PTPRN2: variants seen among roughly 807,000 people sequenced by gnomAD.
The protein encoded by PTPRN2 is receptor-type tyrosine-protein phosphatase N2.
Under a neutral mutation model 118.8 loss-of-function variants are expected in PTPRN2, and 74 were observed. The observed-to-expected ratio is 0.62, with a 90% CI of 0.52 to 0.76. The LOEUF (loss-of-function observed/expected upper bound fraction) is 0.76. Among genes scored for constraint, PTPRN2 ranks in the 30% least tolerant of loss-of-function variants. PTPRN2 has a pLI of 0.00. For missense variants in PTPRN2, 1,481 were observed against 1,394.4 expected, an observed-to-expected ratio of 1.06 and a Z score of -0.99; for synonymous variants, 641 against 608.0, an observed-to-expected ratio of 1.05 and a Z score of -0.80.
At chr7:157,995,122 C>G (rs1429020070) in intron 11 of PTPRN2, among the ~76,000 whole-genome samples, 1 of 146,962 alleles carries the variant, frequency 6.8e-6, no homozygotes, top group Non-Finnish European at 1.5e-5. Flanking sequence ...GTTCCTAAAT[C>G]AACGCTGCGT....
Position 157,564,795 on chromosome 7 carries a change from C to T in PTPRN2, c.2902+4107G>A, listed in dbSNP as rs575869982. 5.2e-4 allele frequency among the ~76,000 whole-genome samples: 79 copies of T among 152,348 alleles called. 1 individual carries two copies. Among genetic ancestry groups the T allele is most frequent in the Admixed American group, 1.6e-3 (25 of 15,308 alleles). On this transcript the variant is annotated intron_variant, in intron 21 of 22. Transcript: ENST00000389418. ...AGCCAAGAGATAAGAGAATTACGGT[C>T]GATGTGGCGATTCCGCCCCAGGGAC...
intron 11 of PTPRN2, among the ~76,000 whole-genome samples, chr7:158,019,876 G>A (rs534688451): frequency 3.2e-4 from 48 of 152,334 alleles, no homozygotes; most frequent in Admixed American, 1.2e-3. Context: ...AGCGGCCCCC[G>A]GCATCCGCAG....
intron 12 of PTPRN2, among the ~76,000 whole-genome samples, chr7:157,735,014 T>C (rs1353716403): frequency 6.6e-6 from 1 of 152,248 alleles, no homozygotes; most frequent in African/African-American, 2.4e-5. Flanking sequence ...AAATTCTGGC[T>C]GTGATGCCAA....
rs1810895126 is a variant in PTPRN2 at position 157,869,033 on chromosome 7, C to A, written c.1788+29640G>T. 6.6e-6 allele frequency: 1 copy of A among 152,238 alleles called. No homozygotes were observed. Among genetic ancestry groups the A allele is most frequent in the Admixed American group, 6.5e-5 (1 of 15,288 alleles). The allele number at this position is 152,238 out of a possible 1,614,324, so 9.4% of individuals were successfully genotyped here. On this transcript the variant is annotated intron_variant, in intron 12 of 22. Transcript: ENST00000389418. The surrounding 1 kb of genome is among the most constrained non-coding windows in gnomAD (Gnocchi z 4.2). ...AGACTTCCCAATGTCCCGAAACACC[C>A]TGACACGTGTAATTCCAAATCTGTA...
chr7:157,595,118 A>T, intron 17 of PTPRN2, 120 bp downstream of exon 17: 1 of 884,632 alleles, frequency 1.1e-6, no homozygotes, highest in Non-Finnish European at 1.8e-6. Context: ...TGATATAAGT[A>T]ACATTTGATG....
At chr7:158,297,052 A>G (rs190796743) in intron 3 of PTPRN2, among the ~76,000 whole-genome samples, 1 of 152,152 alleles carries the variant, frequency 6.6e-6, no homozygotes, top group Admixed American at 6.5e-5. Flanking sequence ...TCCAAACACA[A>G]ACGTGCGCCT....
intron 3 of PTPRN2, among the ~76,000 whole-genome samples, chr7:158,263,039 A>AC: frequency 6.7e-6 from 1 of 149,486 alleles, no homozygotes; most frequent in Admixed American, 6.7e-5. Flanking sequence ...ACATATTCAC[A>AC]AAATGCACAT....
chr7:158,149,232 T>C (rs1820631143), intron 6 of PTPRN2, among the ~76,000 whole-genome samples: 1 of 151,672 alleles, frequency 6.6e-6, no homozygotes, highest in African/African-American at 2.4e-5. Flanking sequence ...CTCTCCAAGC[T>C]GGCACCAATT....
At chr7:157,668,898 G>GT (rs1484345791) in intron 13 of PTPRN2, among the ~76,000 whole-genome samples, 1 of 152,160 alleles carries the variant, frequency 6.6e-6, no homozygotes, top group African/African-American at 2.4e-5. Flanking sequence ...AGAAAAAAAG[G>GT]TTTCTTGTAT....
At chr7:157,752,904 G>A (rs1801565253) in intron 12 of PTPRN2, among the ~76,000 whole-genome samples, 1 of 152,086 alleles carries the variant, frequency 6.6e-6, no homozygotes, top group African/African-American at 2.4e-5. Flanking sequence ...AAGGGTTCAG[G>A]GCTTATGACA....
At chr7:157,810,656 T>C (rs1241906898) in intron 12 of PTPRN2, among the ~76,000 whole-genome samples, 1 of 107,094 alleles carries the variant, frequency 9.3e-6, no homozygotes, top group Non-Finnish European at 1.8e-5. Flanking sequence ...ACGGCGGGAC[T>C]GCTGGGGGCT....
chr7:158,067,888 C>T (rs1810899691), intron 11 of PTPRN2, among the ~76,000 whole-genome samples: 1 of 152,108 alleles, frequency 6.6e-6, no homozygotes. Context: ...GGGCAGCACA[C>T]CAGGGCAGGC....
At chr7:157,879,032 G>A (rs554017964) in intron 12 of PTPRN2, among the ~76,000 whole-genome samples, 8 of 136,064 alleles carry the variant, frequency 5.9e-5, no homozygotes, top group South Asian at 5.0e-4. Flanking sequence ...GTGTGATACC[G>A]TGCACCCACA....
At chr7:158,457,803 G>T (rs950459054) in intron 2 of PTPRN2, among the ~76,000 whole-genome samples, 1 of 148,974 alleles carries the variant, frequency 6.7e-6, no homozygotes, top group Non-Finnish European at 1.5e-5. Flanking sequence ...ACGGTGAGGG[G>T]CGTTAACACC....
At chr7:157,616,784 T>G (rs905324788) in intron 15 of PTPRN2, 35 of 152,110 alleles carry the variant, frequency 2.3e-4, no homozygotes, top group African/African-American at 7.7e-4. Context: ...CATGATAACT[T>G]TTGGTCACTC....
intron 19 of PTPRN2, among the ~76,000 whole-genome samples, chr7:157,575,696 T>G (rs956078727): frequency 2.0e-5 from 3 of 152,338 alleles, no homozygotes; most frequent in Admixed American, 2.0e-4. Flanking sequence ...TACATAACTG[T>G]AGACTCGAGA....
chr7:158,002,602 AG>A (rs1347767761), intron 11 of PTPRN2, among the ~76,000 whole-genome samples: 1 of 152,148 alleles, frequency 6.6e-6, no homozygotes, highest in Non-Finnish European at 1.5e-5. Context: ...CCTGGAGCTT[AG>A]GGTTCATCTG....
At chr7:158,247,177 G>A (rs978745901) in intron 3 of PTPRN2, among the ~76,000 whole-genome samples, 2 of 152,164 alleles carry the variant, frequency 1.3e-5, no homozygotes, top group Non-Finnish European at 2.9e-5. Flanking sequence ...TACACAGAGC[G>A]TGGCCCGTGG....
intron 11 of PTPRN2, 103 bp downstream of exon 11, chr7:158,081,195 G>A: frequency 1.7e-6 from 2 of 1,192,806 alleles, no homozygotes; most frequent in Admixed American, 1.8e-5. Context: ...CATGTGGGTA[G>A]TGTGAGTCTC....
Sources: allele counts gnomAD v4.1 joint callset (sites outside exome capture counted in the v4.1 genomes callset), GRCh38; gene constraint gnomAD v4.1.1; non-coding constraint Gnocchi (gnomAD v3.1); transcripts MANE v1.5; gene names NCBI Gene and HGNC (gene_info 2026-07-23, HGNC 2026-07-21).